PRR5: variants seen among roughly 807,000 people sequenced by gnomAD.
The protein encoded by PRR5 is proline-rich protein 5.
Under a neutral mutation model 30.6 loss-of-function variants are expected in PRR5, and 25 were observed. That is an observed-to-expected ratio of 0.82 (90% CI 0.60 to 1.14). PRR5 has a LOEUF of 1.14. Among genes scored for constraint, PRR5 ranks in the 50% most tolerant of loss-of-function variants. PRR5 has a pLI of 0.00. For missense variants in PRR5, 600 were observed against 547.1 expected (o/e 1.10, Z -0.96); for synonymous variants, 286 against 247.1 (o/e 1.16, Z -1.48).
intron 4 of PRR5, chr22:44,730,632 C>G: frequency 9.7e-7 from 1 of 1,026,686 alleles, no homozygotes; most frequent in Non-Finnish European, 1.2e-6. Context: ...CAAGATGTGT[C>G]CCCATACCAC....
intron 1 of PRR5, among the ~76,000 whole-genome samples, chr22:44,678,185 A>C (rs919255531): frequency 4.0e-4 from 61 of 151,904 alleles, no homozygotes; most frequent in Non-Finnish European, 7.2e-4. Context: ...CCCTTGTTGC[A>C]CCCGCTCACC....
At chr22:44,705,660 T>A (rs1242056783) in intron 1 of PRR5, among the ~76,000 whole-genome samples, 1 of 152,074 alleles carries the variant, frequency 6.6e-6, no homozygotes, top group African/African-American at 2.4e-5. Context: ...AATCTTGCTC[T>A]GTCACCCAGG....
intron 2 of PRR5, among the ~76,000 whole-genome samples, chr22:44,715,355 G>A (rs1395290753): frequency 1.3e-5 from 2 of 152,200 alleles, no homozygotes; most frequent in Admixed American, 6.5e-5. Context: ...TTGTCCCTGT[G>A]TCAAAAGAAT....
At chr22:44,686,955 G>A (rs1924805736) in intron 1 of PRR5, among the ~76,000 whole-genome samples, 2 of 152,130 alleles carry the variant, frequency 1.3e-5, no homozygotes, top group African/African-American at 4.8e-5. Context: ...AATTATGTGA[G>A]GCAAATTTAA....
At position 44,691,233 on chromosome 22, in the gene PRR5, G is replaced by A. The variant is rs528738790; in HGVS notation, c.-10-11259G>A. Among the ~76,000 whole-genome samples the A allele has an allele frequency of 9.1e-4, 138 of 152,272 alleles. No homozygotes were observed. Among genetic ancestry groups the A allele is most frequent in the African/African-American group, 3.2e-3 (135 of 41,542 alleles). On this transcript the variant is annotated intron_variant, in intron 1 of 8. Transcript: ENST00000006251. The surrounding 1 kb of genome is among the most constrained non-coding windows in gnomAD (Gnocchi z 4.4). ...GGAGGATTTGGGTAGAGAAAACCGG[G>A]GTCTGGAATGGGGATTCTGAGGTTG...
At chr22:44,675,804 G>T (rs1397612918), upstream of PRR5, among the ~76,000 whole-genome samples, 1 of 87,286 alleles carries the variant, frequency 1.1e-5, no homozygotes, top group Admixed American at 1.2e-4. Flanking sequence ...TATTACTTAG[G>T]TCACATATCC....
At chr22:44,697,479 C>G (rs889922296), upstream of PRR5, among the ~76,000 whole-genome samples, 1 of 152,260 alleles carries the variant, frequency 6.6e-6, no homozygotes, top group African/African-American at 2.4e-5. Flanking sequence ...CTTTCCGTGC[C>G]CAGCACGTTG....
At chr22:44,700,272 TG>T (rs1376021393), upstream of PRR5, among the ~76,000 whole-genome samples, 1 of 152,150 alleles carries the variant, frequency 6.6e-6, no homozygotes. Flanking sequence ...AAGACCAGCC[TG>T]GCCAACATGG....
At chr22:44,673,015 A>G (rs575757695), upstream of PRR5, among the ~76,000 whole-genome samples, 26 of 152,350 alleles carry the variant, frequency 1.7e-4, no homozygotes, top group Admixed American at 1.4e-3. Flanking sequence ...CCCCAGCATG[A>G]GTCCTGCTCA....
intron 1 of PRR5, among the ~76,000 whole-genome samples, chr22:44,689,191 A>C (rs922002377): frequency 6.6e-6 from 1 of 152,080 alleles, no homozygotes; most frequent in East Asian, 1.9e-4. Flanking sequence ...ACAATATAAT[A>C]ATAACCCTCC....
chr22:44,697,157 C>T (rs372137141), intron 1 of PRR5, among the ~76,000 whole-genome samples: 2 of 152,158 alleles, frequency 1.3e-5, no homozygotes, highest in South Asian at 2.1e-4. Flanking sequence ...TTTCCCCAGT[C>T]GTGAAATGGG....
intron 2 of PRR5, among the ~76,000 whole-genome samples, chr22:44,722,235 G>C (rs996603090): frequency 6.6e-6 from 1 of 152,232 alleles, no homozygotes; most frequent in Non-Finnish European, 1.5e-5. Context: ...CCAGGCTCCA[G>C]GGCTGGAACC....
At chr22:44,671,024 C>T (rs552541478) in intron 1 of PRR5, among the ~76,000 whole-genome samples, 5 of 152,270 alleles carry the variant, frequency 3.3e-5, no homozygotes, top group Non-Finnish European at 4.4e-5. Flanking sequence ...CTTCCCCAGG[C>T]CCCACAGATG....
At chr22:44,732,965 A>G (rs535909225) in intron 6 of PRR5, among the ~76,000 whole-genome samples, 2 of 149,372 alleles carry the variant, frequency 1.3e-5, no homozygotes, top group South Asian at 4.2e-4. Flanking sequence ...ACGCGTGCAC[A>G]CGCATACACA....
At chr22:44,721,158 AACAAAACAC>A (rs1480664753) in intron 2 of PRR5, among the ~76,000 whole-genome samples, 2 of 152,192 alleles carry the variant, frequency 1.3e-5, no homozygotes, top group Non-Finnish European at 1.5e-5. Context: ...CAAAGAATTG[AACAAAACAC>A]ACAAACAAAG....
chr22:44,681,693 T>G (rs1204134183), intron 1 of PRR5, among the ~76,000 whole-genome samples: 1 of 152,116 alleles, frequency 6.6e-6, no homozygotes, highest in African/African-American at 2.4e-5. Flanking sequence ...GAACTTTGTT[T>G]GACTCTGTGT....
intron 1 of PRR5, among the ~76,000 whole-genome samples, chr22:44,677,905 A>G (rs1251166728): frequency 1.3e-5 from 2 of 152,230 alleles, no homozygotes; most frequent in Admixed American, 6.5e-5. Context: ...GGCACGGATC[A>G]TCCTTTGCAC....
upstream of PRR5, among the ~76,000 whole-genome samples, chr22:44,675,249 C>CA (rs136919): frequency 1.3e-4 from 19 of 148,822 alleles, no homozygotes; most frequent in Admixed American, 3.3e-4. Context: ...GACGCTGTCT[C>CA]AAAAAAAAAA....
At chr22:44,681,960 A>C (rs545049885) in intron 1 of PRR5, among the ~76,000 whole-genome samples, 39 of 152,188 alleles carry the variant, frequency 2.6e-4, no homozygotes, top group Non-Finnish European at 5.0e-4. Flanking sequence ...GCCTGAGAGC[A>C]CAGTGGCTGG....
Sources: allele counts gnomAD v4.1 joint callset (sites outside exome capture counted in the v4.1 genomes callset), GRCh38; gene constraint gnomAD v4.1.1; non-coding constraint Gnocchi (gnomAD v3.1); transcripts MANE v1.5; gene names NCBI Gene and HGNC (gene_info 2026-07-23, HGNC 2026-07-21).